RMND5B: variants seen among roughly 807,000 people sequenced by gnomAD.
RMND5B encodes E3 ubiquitin-protein transferase RMND5B.
In RMND5B, 42 loss-of-function variants were observed where a neutral mutation model predicts 50.4. That is an observed-to-expected ratio of 0.83 (90% CI 0.65 to 1.08). RMND5B has a LOEUF of 1.08. Ranked by LOEUF, RMND5B falls within the 50% of genes least tolerant of loss-of-function variation. RMND5B has a pLI of 0.00. For missense variants in RMND5B, 463 were observed against 508.5 expected (o/e 0.91, Z 0.86); for synonymous variants, 220 against 210.0 (o/e 1.05, Z -0.41).
chr5:178,133,715 T>C (rs1054227881), intron 2 of RMND5B: 3 of 9,674 alleles, frequency 3.1e-4, no homozygotes, highest in African/African-American at 6.2e-4. Flanking sequence ...CAATCAACAA[T>C]TTTTTTTTTT....
chr5:178,144,073 G>A lies in RMND5B; in HGVS notation c.659G>A (p.Arg220Gln). The A allele has an allele frequency of 1.2e-6, 2 of 1,614,144 alleles. No individual in the cohort carries two copies. Among genetic ancestry groups the A allele is most frequent in the African/African-American group, 1.3e-5 (1 of 75,078 alleles). The change falls in exon 7 of 11, where the codon CGG becomes CAG. Residue 220 changes from arginine to glutamine, a missense_variant. Physicochemically the swap from Arg to Gln is conservative, Grantham distance 43. Coordinates refer to ENST00000313386, the MANE Select transcript of RMND5B (RefSeq NM_022762.5). ...AKQLEALSYARHFQPFARLHQ... is the reference protein window; with the variant it reads ...AKQLEALSYAQHFQPFARLHQ... ...CAGCTGGAGGCCCTCAGCTATGCTC[G>A]GCACTTCCAGCCCTTTGCTCGGCTG...
chr5:178,136,870 G>C (rs1356816197), intron 2 of RMND5B, among the ~76,000 whole-genome samples: 1 of 152,186 alleles, frequency 6.6e-6, no homozygotes, highest in Non-Finnish European at 1.5e-5. Context: ...CCCAGTGGTA[G>C]GGAGAGGAGA....
At chr5:178,145,890 T>C (rs1755975112) in intron 7 of RMND5B, 1 of 524,628 alleles carries the variant, frequency 1.9e-6, no homozygotes, top group East Asian at 2.9e-5. Flanking sequence ...TCTGTGTTAG[T>C]AATGCCTGTT....
chr5:178,135,979 T>G (rs1463363369), intron 2 of RMND5B: 1 of 152,264 alleles, frequency 6.6e-6, no homozygotes, highest in Non-Finnish European at 1.5e-5. Flanking sequence ...ATGGTTGCTG[T>G]ACACTCATTC....
chr5:178,131,315 G>A lies in RMND5B; in HGVS notation c.-74G>A, dbSNP rs1758286000. ...CCCCCGAAGAGCCGCCTCAGCCGGG[G>A]GGAGTTGCTCGGACTCAAACGTCCA... On this transcript the variant is annotated 5_prime_UTR_variant, in exon 2 of 11. Coordinates refer to ENST00000313386, the MANE Select transcript of RMND5B (RefSeq NM_022762.5). The A allele has an allele frequency of 6.6e-6, 1 of 152,364 alleles. No homozygotes were observed. Among genetic ancestry groups the A allele is most frequent in the East Asian group, 1.9e-4 (1 of 5,146 alleles). The allele number at this position is 152,364 out of a possible 1,614,324, so 9.4% of individuals were successfully genotyped here.
In RMND5B at chr5:178,146,161, G is replaced by A; in HGVS notation, c.742G>A (p.Glu248Lys). 6.2e-7 allele frequency: 1 copy of A among 1,614,194 alleles called. No individual in the cohort carries two copies. The highest frequency in any genetic ancestry group is 8.5e-7 in the Non-Finnish European group (1 of 1,180,040). ...GSLVYLRLGLEKSPYCHLLDS... is the reference protein window; with the variant it reads ...GSLVYLRLGLKKSPYCHLLDS... ...CCTGGTGTACCTGCGGCTGGGCTTG[G>A]AGAAGTCACCCTACTGCCACCTGCT... The change falls in exon 8 of 11, where the codon GAG becomes AAG. Residue 248 changes from glutamate (E) to lysine (K), a missense_variant. Transcript: ENST00000313386.
chr5:178,131,860 T>A (rs889128964), intron 2 of RMND5B, among the ~76,000 whole-genome samples: 22 of 150,818 alleles, frequency 1.5e-4, no homozygotes, highest in African/African-American at 5.1e-4. Context: ...AGGGAAAGAG[T>A]GGTAGGAGAT....
intron 2 of RMND5B, among the ~76,000 whole-genome samples, chr5:178,134,040 T>C (rs1758480143): frequency 6.6e-6 from 1 of 152,190 alleles, no homozygotes; most frequent in African/African-American, 2.4e-5. Flanking sequence ...ACTGAGCATC[T>C]ACCATGGACC....
At position 178,149,863 on chromosome 5, in the gene RMND5B, T is replaced by C. The variant is rs547248309; in HGVS notation, c.*1831T>C. 6 of 1,611,612 alleles carry C rather than the reference T, an allele frequency of 3.7e-6. No individual in the cohort carries two copies. In the East Asian group the frequency reaches 1.1e-4, roughly 30 times the overall value. ...CCTACAGAGGGGAAAGAAGTGCTGTTTGGAAAAAAGCTGTACAACCTGTAT... is the reference window on the plus strand; with the variant it reads ...CCTACAGAGGGGAAAGAAGTGCTGTCTGGAAAAAAGCTGTACAACCTGTAT... On this transcript the variant is annotated 3_prime_UTR_variant, in exon 11 of 11. Transcript: ENST00000313386.
At chr5:178,144,199 T>C in intron 7 of RMND5B, 91 bp downstream of exon 7, 2 of 1,411,616 alleles carry the variant, frequency 1.4e-6, no homozygotes, top group Admixed American at 2.0e-5. Context: ...CCTGCACCCA[T>C]GTGGGGCTGT....
At chr5:178,132,811 A>T (rs1374973248) in intron 2 of RMND5B, among the ~76,000 whole-genome samples, 1 of 149,756 alleles carries the variant, frequency 6.7e-6, no homozygotes, top group Non-Finnish European at 1.5e-5. Context: ...AAAAAAAAAA[A>T]AAGCGTTAAG....
intron 2 of RMND5B, among the ~76,000 whole-genome samples, chr5:178,131,642 C>G (rs1398879820): frequency 6.7e-6 from 1 of 150,370 alleles, no homozygotes; most frequent in Non-Finnish European, 1.5e-5. Context: ...GCGGAGGGGT[C>G]AGTATTAGAT....
intron 3 of RMND5B, 72 bp from the exon 4 acceptor site, chr5:178,142,511 G>C (rs934236879): frequency 5.2e-6 from 8 of 1,527,370 alleles, no homozygotes; most frequent in Non-Finnish European, 7.1e-6. Context: ...ATTTAGAATA[G>C]AGCTAAGGTC....
chr5:178,132,889 C>G (rs549026967), intron 2 of RMND5B, among the ~76,000 whole-genome samples: 2 of 148,056 alleles, frequency 1.4e-5, no homozygotes, highest in Admixed American at 6.8e-5. Flanking sequence ...TTTTTTGAGA[C>G]AGTCTCACTC....
intron 7 of RMND5B, chr5:178,145,854 G>A: frequency 2.3e-6 from 1 of 428,140 alleles, no homozygotes; most frequent in East Asian, 3.6e-5. Context: ...AAAGAGAACT[G>A]GAAAAGAACT....
intron 7 of RMND5B, among the ~76,000 whole-genome samples, chr5:178,145,172 C>A (rs1755924745): frequency 6.6e-6 from 1 of 151,986 alleles, no homozygotes; most frequent in Non-Finnish European, 1.5e-5. Flanking sequence ...GCCTCAGCCT[C>A]CCGAGTAGCT....
Position 178,147,748 on chromosome 5 carries a change from T to G in RMND5B, c.983T>G (p.Met328Arg). ...TCCCAGATTGAGATTGAACTAGGCA[T>G]GAAGTGCTGGTACCACTCCGTGTTC... ...DELPIEIELG[M>R]KCWYHSVFAC... The change falls in exon 10 of 11, where the codon ATG becomes AGG. Residue 328 changes from methionine (M) to arginine (R), a missense_variant. Met to Arg is a moderately conservative substitution (Grantham distance 91). Coordinates refer to ENST00000313386, the MANE Select transcript of RMND5B (RefSeq NM_022762.5). 1 of 1,614,186 alleles carries G rather than the reference T, an allele frequency of 6.2e-7. No homozygotes were observed. Among genetic ancestry groups the G allele is most frequent in the Non-Finnish European group, 8.5e-7 (1 of 1,180,032 alleles).
In RMND5B at chr5:178,142,806, G is replaced by A. The variant is rs199897702; in HGVS notation, c.286-46G>A. On this transcript the variant is annotated intron_variant, in intron 4 of 10. Coordinates refer to ENST00000313386, the MANE Select transcript of RMND5B (RefSeq NM_022762.5). Reference sequence around the variant, plus strand: ...TGTACAAGGACTCGAAGGAGAGCCAGCAAGAGTGCCCGCATCACCAGGCCC... The same window carrying A: ...TGTACAAGGACTCGAAGGAGAGCCAACAAGAGTGCCCGCATCACCAGGCCC... 8.9e-5 allele frequency: 143 copies of A among 1,614,284 alleles called. No individual in the cohort carries two copies. In the Middle Eastern group the frequency reaches 2.3e-3, roughly 26 times the overall value.
Position 178,138,323 on chromosome 5 carries a change from A to C in RMND5B, c.139+65A>C. 6.3e-7 allele frequency: 1 copy of C among 1,579,342 alleles called. No homozygotes were observed. Among genetic ancestry groups the C allele is most frequent in the Non-Finnish European group, 8.6e-7 (1 of 1,162,650 alleles). On this transcript the variant is annotated intron_variant, in intron 3 of 10. Coordinates refer to ENST00000313386, the MANE Select transcript of RMND5B (RefSeq NM_022762.5). This position sits in a 1 kb window ranked among gnomAD's most constrained non-coding sequence, Gnocchi z 5.1. Reference sequence around the variant, plus strand: ...CTGAGGACATGGGAGACCCGAAGCTACTGAGTGACAGGGTTCCGGAAGGAC... The same window carrying C: ...CTGAGGACATGGGAGACCCGAAGCTCCTGAGTGACAGGGTTCCGGAAGGAC...
Sources: gnomAD v4.1 joint callset for allele counts (sites outside exome capture counted in the v4.1 genomes callset) on GRCh38, gnomAD v4.1.1 for gene constraint, Gnocchi (gnomAD v3.1) non-coding constraint, MANE v1.5 for transcripts, NCBI Gene and HGNC (gene_info 2026-07-23, HGNC 2026-07-21) for gene names.